The following MAN2A1 variants were observed in gnomAD, a reference collection of about 807,000 sequenced individuals.
MAN2A1 encodes the protein mannosidase alpha class 2A member 1, also known as alpha-mannosidase 2.
In MAN2A1, 76 loss-of-function variants were observed where a neutral mutation model predicts 142.6. That is an observed-to-expected ratio of 0.53 (90% CI 0.44 to 0.65). The LOEUF (loss-of-function observed/expected upper bound fraction) is 0.65. Ranked by LOEUF, MAN2A1 falls within the 30% of genes least tolerant of loss-of-function variation. MAN2A1 has a pLI of 0.00. For synonymous variants in MAN2A1, 559 were observed against 473.2 expected, an observed-to-expected ratio of 1.18 and a Z score of -2.35; for missense variants, 1,311 against 1,365.1, an observed-to-expected ratio of 0.96 and a Z score of 0.62.
At chr5:109,827,799 C>T (rs909003796) in intron 16 of MAN2A1, among the ~76,000 whole-genome samples, 2 of 152,126 alleles carry the variant, frequency 1.3e-5, no homozygotes, top group African/African-American at 4.8e-5. Context: ...AAGATCAGAG[C>T]AGTTCAGAAT....
chr5:109,859,009 C>T (rs911556658), intron 20 of MAN2A1, among the ~76,000 whole-genome samples: 1 of 152,194 alleles, frequency 6.6e-6, no homozygotes, highest in South Asian at 2.1e-4. Flanking sequence ...TACAGATTTC[C>T]AGATCTCTGA....
At position 109,784,935 on chromosome 5, in the gene MAN2A1, A is replaced by C; in HGVS notation, c.1760+9A>C. On this transcript the variant is annotated intron_variant, in intron 10 of 21. Transcript: ENST00000261483. ...GTGGATTATGGTACCAGGTAATCTAATTATAGAAAAATCATCTTTAAAAAA... is the reference window on the plus strand; with the variant it reads ...GTGGATTATGGTACCAGGTAATCTACTTATAGAAAAATCATCTTTAAAAAA... 6.4e-7 allele frequency: 1 copy of C among 1,555,260 alleles called. No homozygotes were observed. The highest frequency in any genetic ancestry group is 8.7e-7 in the Non-Finnish European group (1 of 1,154,638).
In MAN2A1 at chr5:109,759,947, CTATATATATATATA is replaced by C. The variant is rs141976116; in HGVS notation, c.835+4496_835+4509del. Among the ~76,000 whole-genome samples the C allele has an allele frequency of 9.1e-3, 952 of 104,248 alleles. 4 individuals are homozygous for C. The highest frequency in any genetic ancestry group is 0.012 in the Non-Finnish European group (605 of 50,624). 68.4% of individuals were successfully genotyped at this position (104,248 alleles called of 152,430 possible). A position where few individuals can be genotyped will look rare whatever the true frequency, so the allele number is the denominator to read the frequency against. On this transcript the variant is annotated intron_variant, in intron 5 of 21. Coordinates refer to ENST00000261483, the MANE Select transcript of MAN2A1 (RefSeq NM_002372.4). ...CCCATTCTTTTTATTTGAATTGTTG[CTATATATATATATA>C]TATAGATAGATAGATAGATAGATAG... is the stretch of plus-strand genomic sequence containing the variant.
At chr5:109,820,143 C>A in intron 14 of MAN2A1, 77 bp from the exon 15 acceptor site, 1 of 1,277,420 alleles carries the variant, frequency 7.8e-7, no homozygotes, top group Non-Finnish European at 1.1e-6. Flanking sequence ...TTTAAATTGT[C>A]ATATACATAG....
At chr5:109,810,555 A>G (rs1754288205) in intron 12 of MAN2A1, among the ~76,000 whole-genome samples, 1 of 152,186 alleles carries the variant, frequency 6.6e-6, no homozygotes, top group Non-Finnish European at 1.5e-5. Context: ...ACTTGTCGTA[A>G]TGAAAAAATC....
At chr5:109,756,035 G>C (rs575128991) in intron 5 of MAN2A1, among the ~76,000 whole-genome samples, 5 of 152,048 alleles carry the variant, frequency 3.3e-5, no homozygotes, top group African/African-American at 1.2e-4. Context: ...ACTTGAGTCA[G>C]TTCCTTATGT....
intron 8 of MAN2A1, 39 bp downstream of exon 8, chr5:109,775,004 A>G: frequency 7.2e-7 from 1 of 1,380,884 alleles, no homozygotes; most frequent in Non-Finnish European, 1.0e-6. Context: ...TTTGAAATTG[A>G]ACCTTTATTA....
intron 7 of MAN2A1, among the ~76,000 whole-genome samples, chr5:109,772,134 C>T (rs532413469): frequency 1.3e-5 from 2 of 152,268 alleles, no homozygotes; most frequent in East Asian, 3.9e-4. Flanking sequence ...GTGGCCCATG[C>T]CTGTAATCCT....
chr5:109,778,459 C>T (rs2112662110), intron 8 of MAN2A1, among the ~76,000 whole-genome samples: 3 of 152,146 alleles, frequency 2.0e-5, no homozygotes, highest in Middle Eastern at 6.8e-3. Flanking sequence ...ATTCGTTAGT[C>T]ATAATGTTTG....
rs528308819 is a variant in MAN2A1, at chr5:109,706,628, T to C, written c.136-6892T>C. Among the ~76,000 whole-genome samples, 4 of 152,292 alleles carry C rather than the reference T, an allele frequency of 2.6e-5. No individual in the cohort carries two copies. The East Asian group carries it at 7.7e-4, about 29-fold the overall frequency. ...TTCCACCTTTATCTGGTGAAGGATG[T>C]CATTAAAGATAAAGGTAATCTTTGC... On this transcript the variant is annotated intron_variant, in intron 1 of 21. Transcript: ENST00000261483.
chr5:109,733,113 C>G (rs368932171), intron 4 of MAN2A1, among the ~76,000 whole-genome samples: 1 of 151,994 alleles, frequency 6.6e-6, no homozygotes, highest in Non-Finnish European at 1.5e-5. Flanking sequence ...GTATTTTATT[C>G]TCTTTGAAGC....
intron 6 of MAN2A1, among the ~76,000 whole-genome samples, chr5:109,769,681 G>GT (rs1753088803): frequency 6.6e-6 from 1 of 151,990 alleles, no homozygotes; most frequent in Admixed American, 6.6e-5. Flanking sequence ...TATCTTATTC[G>GT]TTTTGTTTTT....
intron 8 of MAN2A1, among the ~76,000 whole-genome samples, chr5:109,779,378 C>G (rs1288593032): frequency 2.0e-5 from 3 of 152,070 alleles, no homozygotes; most frequent in Non-Finnish European, 4.4e-5. Context: ...TTTTTATTGT[C>G]TAAATAAAAT....
chr5:109,848,514 C>T lies in MAN2A1; in HGVS notation c.2976+724C>T, dbSNP rs1343522323. Among the ~76,000 whole-genome samples the T allele has an allele frequency of 2.0e-5, 3 of 152,284 alleles. No individual in the cohort carries two copies. In the East Asian group the frequency reaches 5.8e-4, roughly 29 times the overall value. Reference sequence around the variant, plus strand: ...CGTACCTTTCACTTTATAGAGAGAACAGCCATTAGACAGGGCTCTCTGTTC... The same window carrying T: ...CGTACCTTTCACTTTATAGAGAGAATAGCCATTAGACAGGGCTCTCTGTTC... On this transcript the variant is annotated intron_variant, in intron 19 of 21. Coordinates refer to ENST00000261483, the MANE Select transcript of MAN2A1 (RefSeq NM_002372.4).
intron 1 of MAN2A1, among the ~76,000 whole-genome samples, chr5:109,692,326 A>G (rs997671924): frequency 2.0e-5 from 3 of 152,150 alleles, no homozygotes; most frequent in African/African-American, 7.2e-5. Context: ...TTGGTACTCA[A>G]CTGGGAGGTG....
At chr5:109,772,827 G>A (rs994389476) in intron 7 of MAN2A1, among the ~76,000 whole-genome samples, 1 of 151,944 alleles carries the variant, frequency 6.6e-6, no homozygotes, top group Admixed American at 6.6e-5. Flanking sequence ...ATTTGTTAAC[G>A]TCCCAAAGAA....
At chr5:109,837,237 C>A (rs1755080333) in intron 16 of MAN2A1, among the ~76,000 whole-genome samples, 1 of 151,294 alleles carries the variant, frequency 6.6e-6, no homozygotes, top group Non-Finnish European at 1.5e-5. Flanking sequence ...GTATTACTTT[C>A]TTGGCTTCTA....
chr5:109,803,502 T>C (rs1337872035), intron 12 of MAN2A1, among the ~76,000 whole-genome samples: 1 of 152,042 alleles, frequency 6.6e-6, no homozygotes. Context: ...AAATAACATC[T>C]TCATCCATCA....
rs1298398030 is a variant in MAN2A1, at chr5:109,694,014, CA to C, written c.135+3464del. ...CCCTGAAATTAGTCATCACTTCTTA[CA>C]AGCAGATTTCACAAGGTGCTTACTA... On this transcript the variant is annotated intron_variant, in intron 1 of 21. Transcript: ENST00000261483. Among the ~76,000 whole-genome samples the C allele has an allele frequency of 5.9e-5, 9 of 152,194 alleles. 1 individual carries two copies. Among genetic ancestry groups the C allele is most frequent in the Admixed American group, 5.9e-4 (9 of 15,280 alleles).
Sources: allele counts gnomAD v4.1 joint callset (sites outside exome capture counted in the v4.1 genomes callset), GRCh38; gene constraint gnomAD v4.1.1; transcripts MANE v1.5; gene names NCBI Gene and HGNC (gene_info 2026-07-23, HGNC 2026-07-21).